The following TBL1X variants were observed in gnomAD, a reference collection of about 807,000 sequenced individuals.
TBL1X encodes F-box-like/WD repeat-containing protein TBL1X.
Under a neutral mutation model 50.7 loss-of-function variants are expected in TBL1X, and 10 were observed. The ratio of observed to expected loss-of-function variants is 0.20; its 90% CI spans 0.12 to 0.33. TBL1X has a LOEUF of 0.33. TBL1X is among the 10% of genes least tolerant of loss of function. The pLI is 1.00. For synonymous variants in TBL1X, 190 were observed against 214.7 expected (o/e 0.88, Z 1.01); for missense variants, 340 against 504.4 (o/e 0.67, Z 3.12).
intron 12 of TBL1X, among the ~76,000 whole-genome samples, chrX:9,698,766 C>T (rs2083149618): frequency 8.9e-6 from 1 of 111,967 alleles, no homozygotes; most frequent in African/African-American, 3.2e-5. Context: ...TAGCCAAGGG[C>T]CGGCCTTGCA....
intron 2 of TBL1X, among the ~76,000 whole-genome samples, chrX:9,551,284 G>T (rs1435121760): frequency 9.2e-6 from 1 of 109,104 alleles, no homozygotes; most frequent in African/African-American, 3.4e-5. Context: ...AGGCCCTTTT[G>T]GGGTAGAGTG....
At chrX:9,583,260 G>A (rs1209584581) in intron 2 of TBL1X, among the ~76,000 whole-genome samples, 1 of 112,400 alleles carries the variant, frequency 8.9e-6, no homozygotes, top group Non-Finnish European at 1.9e-5. Flanking sequence ...ATCTCTGTCT[G>A]TTAGGAGGAC....
chrX:9,515,935 A>G (rs2082079073), intron 2 of TBL1X, among the ~76,000 whole-genome samples: 1 of 110,459 alleles, frequency 9.1e-6, no homozygotes, highest in Non-Finnish European at 1.9e-5. Flanking sequence ...TGGCTGCACA[A>G]CTCTGCAGGT....
intron 2 of TBL1X, among the ~76,000 whole-genome samples, chrX:9,598,967 G>A (rs1483076903): frequency 1.9e-5 from 2 of 105,210 alleles, no homozygotes; most frequent in Non-Finnish European, 3.9e-5. Flanking sequence ...TTTTTTAGAC[G>A]GAGTCTCCCT....
chrX:9,706,369 A>G (rs764691246), intron 13 of TBL1X, among the ~76,000 whole-genome samples: 6 of 111,689 alleles, frequency 5.4e-5, no homozygotes, highest in African/African-American at 1.6e-4. Flanking sequence ...GGAACAGAAA[A>G]ATCATTTGAG....
At chrX:9,546,137 GGT>G (rs2082241057) in intron 2 of TBL1X, among the ~76,000 whole-genome samples, 1 of 111,856 alleles carries the variant, frequency 8.9e-6, no homozygotes, top group African/African-American at 3.3e-5. Flanking sequence ...ACAGTGAGAT[GGT>G]GTGATTATTC....
At chrX:9,581,491 G>A (rs752819421) in intron 2 of TBL1X, among the ~76,000 whole-genome samples, 1 of 111,423 alleles carries the variant, frequency 9.0e-6, no homozygotes, top group East Asian at 2.8e-4. Flanking sequence ...CTCCGCAACT[G>A]CCAGGGGACA....
At chrX:9,641,361 T>C (rs1056004179) in intron 3 of TBL1X, among the ~76,000 whole-genome samples, 1 of 111,905 alleles carries the variant, frequency 8.9e-6, no homozygotes, top group African/African-American at 3.2e-5. Context: ...TACCTTTCGG[T>C]ACGTGTGATT....
At chrX:9,503,792 C>G (rs2082013074) in intron 2 of TBL1X, among the ~76,000 whole-genome samples, 1 of 112,707 alleles carries the variant, frequency 8.9e-6, no homozygotes, top group East Asian at 2.8e-4. Flanking sequence ...TTTGGATCTC[C>G]TGGGCCTCAG....
At chrX:9,539,327 C>T (rs1795192252) in intron 2 of TBL1X, among the ~76,000 whole-genome samples, 1 of 111,268 alleles carries the variant, frequency 9.0e-6, no homozygotes. Context: ...TCAAGTTAAC[C>T]TTTTCCTGCT....
chrX:9,605,024 G>C (rs143215049), intron 2 of TBL1X, among the ~76,000 whole-genome samples: 1,760 of 110,867 alleles, frequency 0.016, 16 homozygotes, highest in South Asian at 0.034. Context: ...GAAATGTTCT[G>C]TATTTGGAAG....
At chrX:9,509,327 G>C (rs1421890298) in intron 2 of TBL1X, among the ~76,000 whole-genome samples, 17 of 95,152 alleles carry the variant, frequency 1.8e-4, no homozygotes, top group East Asian at 6.5e-4. Context: ...GGAGGTGGAG[G>C]TTGCAGTGAG....
intron 6 of TBL1X, among the ~76,000 whole-genome samples, chrX:9,687,681 G>A (rs1382133016): frequency 7.5e-5 from 5 of 66,445 alleles, no homozygotes; most frequent in Admixed American, 1.9e-4. Flanking sequence ...GTCACCCCCC[G>A]CCCCCGCCAC....
chrX:9,517,868 G>C (rs1049623505), intron 2 of TBL1X, among the ~76,000 whole-genome samples: 6 of 111,851 alleles, frequency 5.4e-5, no homozygotes, highest in Non-Finnish European at 9.4e-5. Flanking sequence ...ACTTTGGGAG[G>C]CTGAAGTGGG....
intron 2 of TBL1X, among the ~76,000 whole-genome samples, chrX:9,590,362 GT>G (rs747934973): frequency 1.6e-4 from 14 of 87,201 alleles, no homozygotes; most frequent in South Asian, 6.0e-4. Flanking sequence ...AAGATTAAAA[GT>G]TTTTTTTTTT....
intron 2 of TBL1X, among the ~76,000 whole-genome samples, chrX:9,537,801 G>A (rs1243449226): frequency 8.9e-6 from 1 of 112,306 alleles, no homozygotes; most frequent in Non-Finnish European, 1.9e-5. Context: ...ATTGATTTAA[G>A]TTTACATAGT....
At chrX:9,598,901 C>T (rs1055946662) in intron 2 of TBL1X, among the ~76,000 whole-genome samples, 25 of 79,293 alleles carry the variant, frequency 3.2e-4, no homozygotes, top group African/African-American at 1.7e-3. Context: ...AATTTCCATC[C>T]CCCTACCTTT....
intron 12 of TBL1X, among the ~76,000 whole-genome samples, chrX:9,701,590 AAAAAAAG>A (rs1343036503): frequency 5.6e-5 from 6 of 107,102 alleles, no homozygotes; most frequent in East Asian, 2.9e-4. Context: ...AAAAAAAAAA[AAAAAAAG>A]AAGAAGAAAA....
Position 9,710,479 on chromosome X carries a change from T to C in TBL1X, c.1439+719T>C, listed in dbSNP as rs764319076. Among the ~76,000 whole-genome samples the C allele has an allele frequency of 8.1e-5, 9 of 111,741 alleles. No homozygotes were observed. The East Asian group carries it at 2.5e-3, about 31-fold the overall frequency. The stretch of plus-strand genomic sequence containing the variant: ...TAAAGTACTGTGATATAGTGTGATA[T>C]AGTACTACACACTCGAGTTGTTTTG... On this transcript the variant is annotated intron_variant, in intron 15 of 17. Transcript: ENST00000645353.
Sources: allele counts gnomAD v4.1 joint callset (sites outside exome capture counted in the v4.1 genomes callset), GRCh38; gene constraint gnomAD v4.1.1; transcripts MANE v1.5; gene names NCBI Gene and HGNC (gene_info 2026-07-23, HGNC 2026-07-21).